The following ACOT1 variants were observed in gnomAD, a reference collection of about 807,000 sequenced individuals.
ACOT1 encodes the protein acyl-CoA thioesterase 1, also known as acyl-coenzyme A thioesterase 1.
Under a neutral mutation model 15.7 loss-of-function variants are expected in ACOT1, and 8 were observed. That is an observed-to-expected ratio of 0.51 (90% CI 0.30 to 0.92). ACOT1 has a LOEUF of 0.92. ACOT1 is among the 40% of genes least tolerant of loss of function. The pLI, the probability that ACOT1 is intolerant of heterozygous loss-of-function variation, is 0.06. For missense variants in ACOT1, 151 were observed against 539.4 expected, an observed-to-expected ratio of 0.28 and a Z score of 7.13; for synonymous variants, 67 against 241.2, an observed-to-expected ratio of 0.28 and a Z score of 6.69.
At chr14:73,502,416 C>G in the ACOT1 span, among the ~76,000 whole-genome samples, 2 of 152,298 alleles carry the variant, frequency 1.3e-5, no homozygotes, top group Admixed American at 6.5e-5. Flanking sequence ...CTCACACCTA[C>G]TGGGCACTCA....
the ACOT1 span, among the ~76,000 whole-genome samples, chr14:73,506,804 GTTTTTTT>G: frequency 6.2e-5 from 5 of 80,494 alleles, 1 homozygote; most frequent in East Asian, 5.7e-4. Flanking sequence ...GACTTTAACT[GTTTTTTT>G]TTTTTTTTTT....
the ACOT1 span, chr14:73,506,365 G>C: frequency 1.3e-6 from 1 of 758,594 alleles, no homozygotes; most frequent in East Asian, 2.5e-5. Flanking sequence ...ACAGAGATCT[G>C]TTTGGTAAGA....
rs141161609 is a variant in ACOT1 at position 73,543,216 on chromosome 14, G to C, written c.827G>C (p.Gly276Ala). Residue 276 changes from glycine (G) to alanine (A), a missense_variant, in exon 3 of 3, where the codon GGC becomes GCC. Transcript: ENST00000311148. The stretch of plus-strand genomic sequence containing the variant: ...AAGGGCGAGACCCTGCCCCCTGTGG[G>C]CGTCAACAGAAATCGCATCAAGGTG... ...RYKGETLPPV[G>A]VNRNRIKVTK... 2,118 of 1,603,494 alleles carry C rather than the reference G, an allele frequency of 1.3e-3. 111 individuals carry two copies. In the South Asian group the frequency reaches 0.017, roughly 13 times the overall value.
At position 73,539,724 on chromosome 14, in the gene ACOT1, G is replaced by A. The variant is rs1239223824; in HGVS notation, c.458-1769G>A. ...GGCGGCTGAAGCCCCACAGGATGCC[G>A]TCTGGAAGCTGCCAGCACGCGGTCC... On this transcript the variant is annotated intron_variant, in intron 1 of 2. Transcript: ENST00000311148. The A allele has an allele frequency of 3.4e-5, 4 of 119,032 alleles. 1 individual carries two copies. Among genetic ancestry groups the A allele is most frequent in the African/African-American group, 8.2e-5 (3 of 36,374 alleles). 7.4% of individuals were successfully genotyped at this position (119,032 alleles called of 1,614,324 possible). A position where few individuals can be genotyped will look rare whatever the true frequency, so the allele number is the denominator to read the frequency against.
At chr14:73,494,461 A>T in the ACOT1 span, among the ~76,000 whole-genome samples, 31 of 152,348 alleles carry the variant, frequency 2.0e-4, no homozygotes, top group Middle Eastern at 3.4e-3. Flanking sequence ...AATTCTTTTT[A>T]AAAAAGTTAC....
Position 73,537,547 on chromosome 14 carries a change from G to C in ACOT1, c.126G>C (p.Lys42Asn). Residue 42 changes from lysine to asparagine, a missense_variant, in exon 1 of 3, where the codon AAG becomes AAC. Physicochemically the swap from Lys to Asn is moderately conservative, Grantham distance 94. Coordinates refer to ENST00000311148, the MANE Select transcript of ACOT1 (RefSeq NM_001037161.2). The part of the protein sequence containing the change: ...VTLRASLRDE[K>N]GALFQAHARY... ...TGCGCGCGTCCCTGCGCGACGAGAAGGGCGCGCTTTTCCAGGCCCACGCGC... is the reference window on the plus strand; with the variant it reads ...TGCGCGCGTCCCTGCGCGACGAGAACGGCGCGCTTTTCCAGGCCCACGCGC... 2 of 1,213,360 alleles carry C rather than the reference G, an allele frequency of 1.6e-6. No individual in the cohort carries two copies. The highest frequency in any genetic ancestry group is 2.2e-6 in the Non-Finnish European group (2 of 923,518). The allele number at this position is 1,213,360 out of a possible 1,614,324, so 75.2% of individuals were successfully genotyped here. A position where few individuals can be genotyped will look rare whatever the true frequency, so the allele number is the denominator to read the frequency against.
chr14:73,509,844 A>ATT, the ACOT1 span, among the ~76,000 whole-genome samples: 17 of 70,730 alleles, frequency 2.4e-4, no homozygotes, highest in African/African-American at 8.0e-4. Flanking sequence ...ATATATATAT[A>ATT]TATATATATA....
chr14:73,511,475 C>T, the ACOT1 span, among the ~76,000 whole-genome samples: 8 of 150,954 alleles, frequency 5.3e-5, no homozygotes, highest in Non-Finnish European at 8.8e-5. Flanking sequence ...GCAGAGATCG[C>T]GCCACTGCAC....
the ACOT1 span, among the ~76,000 whole-genome samples, chr14:73,502,201 C>T: frequency 6.6e-6 from 1 of 151,950 alleles, no homozygotes; most frequent in African/African-American, 2.4e-5. Context: ...GCCTCCTGTG[C>T]AGTCTTATCC....
chr14:73,496,221 G>A, the ACOT1 span, among the ~76,000 whole-genome samples: 1 of 152,178 alleles, frequency 6.6e-6, no homozygotes, highest in Non-Finnish European at 1.5e-5. Flanking sequence ...GAAAAATTAA[G>A]AAGAAAATCT....
the ACOT1 span, chr14:73,491,323 C>A: frequency 2.0e-6 from 3 of 1,500,832 alleles, no homozygotes; most frequent in South Asian, 1.3e-5. Flanking sequence ...ACCTGGGGCC[C>A]GCAGAGCTGC....
chr14:73,520,923 C>T, the ACOT1 span: 46 of 1,613,930 alleles, frequency 2.9e-5, no homozygotes, highest in East Asian at 7.6e-4. Context: ...AGTCACCTGG[C>T]GAAAGTAGCT....
At chr14:73,540,703 A>T (rs1335292648) in intron 1 of ACOT1, among the ~76,000 whole-genome samples, 1 of 123,102 alleles carries the variant, frequency 8.1e-6, no homozygotes, top group Non-Finnish European at 1.7e-5. Context: ...TCAGCACTGA[A>T]CTATGTCTTA....
the ACOT1 span, chr14:73,492,031 C>T: frequency 1.2e-6 from 2 of 1,613,860 alleles, no homozygotes; most frequent in African/African-American, 1.3e-5. The surrounding 1 kb of genome is among the most constrained non-coding windows in gnomAD (Gnocchi z 4.9). Flanking sequence ...AGGGCTTTGC[C>T]CCCCACTACG....
At chr14:73,530,486 T>TC in the ACOT1 span, 3 of 128,452 alleles carry the variant, frequency 2.3e-5, no homozygotes, top group South Asian at 7.6e-4. Flanking sequence ...TTGTTTCAAG[T>TC]CCCCCTTTCT....
the ACOT1 span, among the ~76,000 whole-genome samples, chr14:73,502,096 G>T: frequency 7.2e-6 from 1 of 139,666 alleles, no homozygotes. Context: ...GTCTTGCTAT[G>T]TTGCCCAGGC....
At chr14:73,516,593 C>T in the ACOT1 span, among the ~76,000 whole-genome samples, 36 of 152,090 alleles carry the variant, frequency 2.4e-4, no homozygotes, top group South Asian at 6.7e-3. Flanking sequence ...GAAACACATC[C>T]ACTAGCCATC....
At chr14:73,511,557 AAAT>A in the ACOT1 span, among the ~76,000 whole-genome samples, 2,028 of 95,132 alleles carry the variant, frequency 0.021, 34 homozygotes, top group African/African-American at 0.038. Context: ...ATAAATAAAT[AAAT>A]AAATAAAATA....
At chr14:73,534,582 G>A (rs1220049799), upstream of ACOT1, among the ~76,000 whole-genome samples, 13 of 108,360 alleles carry the variant, frequency 1.2e-4, 2 homozygotes, top group African/African-American at 2.4e-4. Flanking sequence ...CCAGGTGCTC[G>A]GGAGGCTGAG....
Sources: allele counts gnomAD v4.1 joint callset (sites outside exome capture counted in the v4.1 genomes callset), GRCh38; gene constraint gnomAD v4.1.1; non-coding constraint Gnocchi (gnomAD v3.1); transcripts MANE v1.5; gene names NCBI Gene and HGNC (gene_info 2026-07-23, HGNC 2026-07-21).